Variants in FBXW9 observed in about 807,000 individuals in gnomAD.
FBXW9 encodes the protein F-box and WD repeat domain containing 9.
In FBXW9, 38 loss-of-function variants were observed where a neutral mutation model predicts 55.8. That is an observed-to-expected ratio of 0.68 (90% CI 0.53 to 0.89). The LOEUF (loss-of-function observed/expected upper bound fraction) is 0.89. Among genes scored for constraint, FBXW9 ranks in the 40% least tolerant of loss-of-function variants. The pLI, the probability that FBXW9 is intolerant of heterozygous loss-of-function variation, is 0.00. For missense variants in FBXW9, 590 were observed against 619.4 expected (o/e 0.95, Z 0.50); for synonymous variants, 289 against 278.2 (o/e 1.04, Z -0.38).
In FBXW9 at chr19:12,689,329, G is replaced by A. The variant is rs2024968914; in HGVS notation, c.1303-39C>T. 1 of 1,614,192 alleles carries A rather than the reference G, an allele frequency of 6.2e-7. No homozygotes were observed. Among genetic ancestry groups the A allele is most frequent in the African/African-American group, 1.3e-5 (1 of 75,062 alleles). ...GGAACATGAGGAGTCAGGGACGATG[G>A]CGCTCTGGCCAGCTGGGCAGGGCAC... On this transcript the variant is annotated intron_variant, in intron 9 of 9. Transcript: ENST00000393261. This position sits in a 1 kb window ranked among gnomAD's most constrained non-coding sequence, Gnocchi z 5.9.
rs201442684 is a variant in FBXW9, at chr19:12,694,651, C to T, written c.621G>A (p.Thr207=). ...TCTTGATCAGAACCTGGTTGGACTC[C>T]GTCCCCAGCTGCCGCAGGTCCCACA... The part of the protein sequence containing the change: ...VNLWDLRQLG[T]ESNQVLIKTL... Residue 207 remains threonine (T), a synonymous_variant, in exon 3 of 10, where the codon ACG becomes ACA. Coordinates refer to ENST00000393261, the MANE Select transcript of FBXW9 (RefSeq NM_032301.3). The T allele has an allele frequency of 6.3e-5, 102 of 1,614,194 alleles. No homozygotes were observed. The highest frequency in any genetic ancestry group is 1.8e-4 in the East Asian group (8 of 44,878).
In FBXW9 at chr19:12,689,320, G is replaced by A; in HGVS notation, c.1303-30C>T. On this transcript the variant is annotated intron_variant, in intron 9 of 9. Coordinates refer to ENST00000393261, the MANE Select transcript of FBXW9 (RefSeq NM_032301.3). The surrounding 1 kb of genome is among the most constrained non-coding windows in gnomAD (Gnocchi z 5.9). The stretch of plus-strand genomic sequence containing the variant: ...GAAGGGGGAGGAACATGAGGAGTCA[G>A]GGACGATGGCGCTCTGGCCAGCTGG... The A allele has an allele frequency of 6.2e-7, 1 of 1,614,202 alleles. No individual in the cohort carries two copies. Among genetic ancestry groups the A allele is most frequent in the Non-Finnish European group, 8.5e-7 (1 of 1,180,024 alleles).
intron 3 of FBXW9, among the ~76,000 whole-genome samples, chr19:12,693,559 TATACACACACACACACACACACACAC>T (rs1348912113): frequency 0.025 from 279 of 10,978 alleles, 17 homozygotes; most frequent in Middle Eastern, 0.12. Flanking sequence ...TATATATATA[TATACACACACACACACACACACACAC>T]ACACACACAC....
chr19:12,694,863 C>T lies in FBXW9; in HGVS notation c.485G>A (p.Trp162Ter), dbSNP rs1196172839. 1.6e-5 allele frequency: 26 copies of T among 1,614,014 alleles called. No individual in the cohort carries two copies. Among genetic ancestry groups the T allele is most frequent in the Non-Finnish European group, 2.2e-5 (26 of 1,180,046 alleles). ...TTCGGCCAGGCAGAAGTATTCGACCCAGCGCCCATCCTCTGCCCAGCGGGA... is the reference window on the plus strand; with the variant it reads ...TTCGGCCAGGCAGAAGTATTCGACCTAGCGCCCATCCTCTGCCCAGCGGGA... ...HLSRWAEDGR[W>*]VEYFCLAEGH... Residue 162 changes from tryptophan (W) to a stop codon, truncating the protein, a stop_gained, in exon 2 of 10, where the codon TGG becomes TAG. Transcript: ENST00000393261. LOFTEE classifies it high-confidence loss of function.
Position 12,696,206 on chromosome 19 carries a change from G to T in FBXW9, c.376C>A (p.Arg126Ser). The T allele has an allele frequency of 1.3e-6, 2 of 1,548,654 alleles. No individual in the cohort carries two copies. Among genetic ancestry groups the T allele is most frequent in the Non-Finnish European group, 1.7e-6 (2 of 1,148,502 alleles). ...DHVTWRLRAL[R>S]RVRAPYPVVE... The stretch of plus-strand genomic sequence containing the variant: ...ACTGGGTAGGGCGCGCGTACGCGGC[G>T]TAGCGCGCGTAGCCTCCAGGTGACA... Residue 126 changes from arginine (R) to serine (S), a missense_variant, in exon 1 of 10, where the codon CGC becomes AGC. Transcript: ENST00000393261.
chr19:12,692,435 A>G (rs1473865882), intron 3 of FBXW9, among the ~76,000 whole-genome samples: 2 of 151,776 alleles, frequency 1.3e-5, no homozygotes, highest in South Asian at 2.1e-4. Context: ...CATGTTGGTC[A>G]GGCTGGTCTC....
chr19:12,689,299 G>T lies in FBXW9; in HGVS notation c.1303-9C>A, dbSNP rs537255088. The stretch of plus-strand genomic sequence containing the variant: ...TTGCCCTCAGCACAGACCTGGGAAG[G>T]GGGAGGAACATGAGGAGTCAGGGAC... On this transcript the variant is annotated splice_polypyrimidine_tract_variant and intron_variant, in intron 9 of 9. Transcript: ENST00000393261. The surrounding 1 kb of genome is among the most constrained non-coding windows in gnomAD (Gnocchi z 5.9). The T allele has an allele frequency of 1.9e-6, 3 of 1,614,236 alleles. No individual in the cohort carries two copies. The highest frequency in any genetic ancestry group is 2.2e-5 in the South Asian group (2 of 91,086).
intron 5 of FBXW9, 76 bp from the exon 6 acceptor site, chr19:12,690,186 G>A (rs770933772): frequency 2.0e-5 from 32 of 1,597,804 alleles, no homozygotes; most frequent in South Asian, 1.5e-4. Flanking sequence ...AGAGCATCCC[G>A]GGTCTCCATC....
At position 12,688,931 on chromosome 19, in the gene FBXW9, G is replaced by A. The variant is rs937652160; in HGVS notation, c.*285C>T. 24 of 592,972 alleles carry A rather than the reference G, an allele frequency of 4.0e-5. No homozygotes were observed. The highest frequency in any genetic ancestry group is 3.5e-4 in the African/African-American group (19 of 54,600). The allele number at this position is 592,972 out of a possible 1,614,324, so 36.7% of individuals were successfully genotyped here. A position where few individuals can be genotyped will look rare whatever the true frequency, so the allele number is the denominator to read the frequency against. On this transcript the variant is annotated 3_prime_UTR_variant, in exon 10 of 10. Coordinates refer to ENST00000393261, the MANE Select transcript of FBXW9 (RefSeq NM_032301.3). Reference sequence around the variant, plus strand: ...ACACTCCAGGCCCAAGCACCAACATGTCAGGTTTATTTCTCCTTCGCTCTC... The same window carrying A: ...ACACTCCAGGCCCAAGCACCAACATATCAGGTTTATTTCTCCTTCGCTCTC...
rs1045139100 is a variant in FBXW9 at position 12,696,133 on chromosome 19, CGCCCCCGGCCCCCGGTCCCCG to C, written c.409+19_409+39del. On this transcript the variant is annotated intron_variant, in intron 1 of 9. Coordinates refer to ENST00000393261, the MANE Select transcript of FBXW9 (RefSeq NM_032301.3). ...CCGCCCCAAGCCTGACCTGGGCGGG[CGCCCCCGGCCCCCGGTCCCCG>C]GCCCCCGGCCCCGCGCACCTTCCAC... 8.7e-6 allele frequency: 13 copies of C among 1,491,096 alleles called. No homozygotes were observed. Among genetic ancestry groups the C allele is most frequent in the African/African-American group, 5.7e-5 (4 of 70,128 alleles). 92.4% of individuals were successfully genotyped at this position (1,491,096 alleles called of 1,614,324 possible). A position where few individuals can be genotyped will look rare whatever the true frequency, so the allele number is the denominator to read the frequency against.
At position 12,688,988 on chromosome 19, in the gene FBXW9, A is replaced by C. The variant is rs1194682521; in HGVS notation, c.*228T>G. ...GAGCGGGGCATCCAAATCATAACAA[A>C]ACCAGGGCCCAAGAGTGGGAAGCGG... is the stretch of plus-strand genomic sequence containing the variant. On this transcript the variant is annotated 3_prime_UTR_variant, in exon 10 of 10. Transcript: ENST00000393261. The C allele has an allele frequency of 1.4e-6, 1 of 691,222 alleles. No individual in the cohort carries two copies. The highest frequency in any genetic ancestry group is 2.6e-6 in the Non-Finnish European group (1 of 377,748). 42.8% of individuals were successfully genotyped at this position (691,222 alleles called of 1,614,324 possible).
intron 3 of FBXW9, among the ~76,000 whole-genome samples, chr19:12,692,004 C>CT (rs2025015104): frequency 6.6e-6 from 1 of 152,010 alleles, no homozygotes; most frequent in South Asian, 2.1e-4. Context: ...GATCCGCCCG[C>CT]TTCAGCCTCC....
In FBXW9 at chr19:12,694,808, C is replaced by G. The variant is rs1268149964; in HGVS notation, c.540G>C (p.Leu180=). The G allele has an allele frequency of 1.1e-5, 17 of 1,614,056 alleles. No individual in the cohort carries two copies. The Admixed American group carries it at 2.5e-4, about 24-fold the overall frequency. ...EGHVASVDSV[L]LLQGGSLCLS... The stretch of plus-strand genomic sequence containing the variant: ...ACAGACCCCGTCTCACCTGGAGCAG[C>G]AGCACTGAGTCAACGGAAGCCACGT... The change falls in exon 2 of 10, where the codon CTG becomes CTC. Residue 180 remains leucine (L), a synonymous_variant. Transcript: ENST00000393261.
intron 3 of FBXW9, among the ~76,000 whole-genome samples, chr19:12,692,303 C>G (rs890053592): frequency 2.0e-5 from 3 of 150,630 alleles, no homozygotes; most frequent in Non-Finnish European, 4.4e-5. Flanking sequence ...TCTCGGCTCA[C>G]CACAACCTCC....
chr19:12,691,079 C>T (rs2025000504), intron 5 of FBXW9, 87 bp downstream of exon 5: 1 of 1,186,662 alleles, frequency 8.4e-7, no homozygotes. Flanking sequence ...GGTTAAGTGA[C>T]TATGACCCCA....
chr19:12,693,817 G>A (rs145861873), intron 3 of FBXW9, among the ~76,000 whole-genome samples: 74 of 151,034 alleles, frequency 4.9e-4, no homozygotes, highest in African/African-American at 1.5e-3. Context: ...CTTGAATCCC[G>A]GAGGCAGAGG....
intron 1 of FBXW9, 33 bp downstream of exon 1, chr19:12,696,140 G>A (rs2025066639): frequency 1.5e-6 from 2 of 1,312,270 alleles, no homozygotes; most frequent in African/African-American, 1.5e-5. Context: ...GGGCGCCCCC[G>A]GCCCCCGGTC....
intron 3 of FBXW9, among the ~76,000 whole-genome samples, chr19:12,693,514 AAAAAAAAAAAAAAAAAT>A (rs1479319235): frequency 1.4e-4 from 4 of 28,768 alleles, no homozygotes; most frequent in African/African-American, 5.8e-4. Flanking sequence ...AAAAAAAAAA[AAAAAAAAAAAAAAAAAT>A]ATATATATAT....
chr19:12,690,913 C>G (rs914147845), intron 5 of FBXW9, among the ~76,000 whole-genome samples: 2 of 152,172 alleles, frequency 1.3e-5, no homozygotes, highest in African/African-American at 2.4e-5. Flanking sequence ...GATGGGGAAA[C>G]CGAGGTTCAA....
Sources: allele counts gnomAD v4.1 joint callset (sites outside exome capture counted in the v4.1 genomes callset), GRCh38; gene constraint gnomAD v4.1.1; non-coding constraint Gnocchi (gnomAD v3.1); transcripts MANE v1.5; gene names NCBI Gene and HGNC (gene_info 2026-07-23, HGNC 2026-07-21).